The following DNMT1 variants were observed in gnomAD, a reference collection of about 807,000 sequenced individuals.
DNMT1 encodes DNA (cytosine-5)-methyltransferase 1.
In DNMT1, 24 loss-of-function variants were observed where a neutral mutation model predicts 205.3. The observed-to-expected ratio is 0.12, with a 90% CI of 0.08 to 0.16. DNMT1 has a LOEUF of 0.16. DNMT1 is among the 10% of genes least tolerant of loss of function. DNMT1 has a pLI of 1.00. For missense variants in DNMT1, 1,293 were observed against 2,177.7 expected, an observed-to-expected ratio of 0.59 and a Z score of 8.09; for synonymous variants, 817 against 839.8, an observed-to-expected ratio of 0.97 and a Z score of 0.47.
intron 19 of DNMT1, among the ~76,000 whole-genome samples, chr19:10,155,262 G>A (rs2038432649): frequency 6.6e-6 from 1 of 152,162 alleles, no homozygotes; most frequent in African/African-American, 2.4e-5. Context: ...AAGACTAGCT[G>A]AGTAGGCCTT....
In DNMT1 at chr19:10,159,562, G is replaced by A; in HGVS notation, c.1280+96C>T. 1 of 1,229,586 alleles carries A rather than the reference G, an allele frequency of 8.1e-7. No individual in the cohort carries two copies. Among genetic ancestry groups the A allele is most frequent in the South Asian group, 1.2e-5 (1 of 80,304 alleles). The allele number at this position is 1,229,586 out of a possible 1,614,324, so 76.2% of individuals were successfully genotyped here. On this transcript the variant is annotated intron_variant, in intron 17 of 40. Coordinates refer to ENST00000359526, the MANE Select transcript of DNMT1 (RefSeq NM_001130823.3). The surrounding 1 kb of genome is among the most constrained non-coding windows in gnomAD (Gnocchi z 5.0). ...TTAGCTTAAGACATGTTGCAGGTCAGGCACTAAAAAACATCACCAGAATCG... is the reference window on the plus strand; with the variant it reads ...TTAGCTTAAGACATGTTGCAGGTCAAGCACTAAAAAACATCACCAGAATCG...
intron 1 of DNMT1, among the ~76,000 whole-genome samples, chr19:10,182,417 GTATATATATGTGTGTATA>G: frequency 1.9e-5 from 1 of 52,952 alleles, no homozygotes; most frequent in South Asian, 6.8e-4. Flanking sequence ...ATATATATGT[GTATATATATGTGTGTATA>G]TATATACATA....
rs1239217083 is a variant in DNMT1, at chr19:10,156,863, C to A, written c.1281-354G>T. On this transcript the variant is annotated intron_variant, in intron 17 of 40. Coordinates refer to ENST00000359526, the MANE Select transcript of DNMT1 (RefSeq NM_001130823.3). This position sits in a 1 kb window ranked among gnomAD's most constrained non-coding sequence, Gnocchi z 4.2. ...AAACTCTTTATCTCCAGTGATCTACCCACCTCAGCCTCCCAAAGTGCTGGG... is the reference window on the plus strand; with the variant it reads ...AAACTCTTTATCTCCAGTGATCTACACACCTCAGCCTCCCAAAGTGCTGGG... Among the ~76,000 whole-genome samples the A allele has an allele frequency of 6.6e-6, 1 of 152,058 alleles. No homozygotes were observed. Among genetic ancestry groups the A allele is most frequent in the Non-Finnish European group, 1.5e-5 (1 of 68,002 alleles).
At chr19:10,158,993 T>G (rs930233646) in intron 17 of DNMT1, among the ~76,000 whole-genome samples, 1 of 152,194 alleles carries the variant, frequency 6.6e-6, no homozygotes, top group African/African-American at 2.4e-5. Context: ...AAATCTGTCG[T>G]GGCTGTCACT....
chr19:10,194,887 T>C lies in DNMT1; in HGVS notation c.13A>G (p.Thr5Ala). 2 of 1,608,868 alleles carry C rather than the reference T, an allele frequency of 1.2e-6. No homozygotes were observed. Among genetic ancestry groups the C allele is most frequent in the South Asian group, 2.2e-5 (2 of 90,576 alleles). MPAR[T>A]APARVPTLAV... ...AGTGTGGGCACCCGGGCTGGGGCGG[T>C]ACGCGCCGGCATCTCGGAGGCTTCA... Residue 5 changes from threonine (T) to alanine (A), a missense_variant, in exon 1 of 41, where the codon ACC (threonine) becomes GCC (alanine). Physicochemically the swap from Thr to Ala is moderately conservative, Grantham distance 58 (BLOSUM62 0). Coordinates refer to ENST00000359526, the MANE Select transcript of DNMT1 (RefSeq NM_001130823.3).
chr19:10,140,743 T>C lies in DNMT1; in HGVS notation c.3523+38A>G, dbSNP rs1454478631. 3.7e-6 allele frequency: 6 copies of C among 1,613,768 alleles called. No individual in the cohort carries two copies. The highest frequency in any genetic ancestry group is 5.1e-6 in the Non-Finnish European group (6 of 1,179,888). On this transcript the variant is annotated intron_variant, in intron 32 of 40. Coordinates refer to ENST00000359526, the MANE Select transcript of DNMT1 (RefSeq NM_001130823.3). This position sits in a 1 kb window ranked among gnomAD's most constrained non-coding sequence, Gnocchi z 8.4. ...CAGGTAGCACCTGCCCGGTCTGGGC[T>C]CACCAGGTATTCAGAGATGGAGCCT... is the stretch of plus-strand genomic sequence containing the variant.
intron 1 of DNMT1, among the ~76,000 whole-genome samples, chr19:10,193,860 C>T (rs1353414192): frequency 6.6e-6 from 1 of 152,104 alleles, no homozygotes; most frequent in Admixed American, 6.6e-5. Context: ...CTCTGACTCA[C>T]GCACACCTCA....
Position 10,156,341 on chromosome 19 carries a change from C to G in DNMT1, c.1399+50G>C, listed in dbSNP as rs2038456977. On this transcript the variant is annotated intron_variant, in intron 18 of 40. Coordinates refer to ENST00000359526, the MANE Select transcript of DNMT1 (RefSeq NM_001130823.3). This position sits in a 1 kb window ranked among gnomAD's most constrained non-coding sequence, Gnocchi z 4.2. ...GGATTACAGATGTGAGCCACCCTGC[C>G]TGGCTGTTTTTAAAGTGTGCCCCAA... The G allele has an allele frequency of 6.9e-7, 1 of 1,453,298 alleles. No individual in the cohort carries two copies. Among genetic ancestry groups the G allele is most frequent in the Admixed American group, 1.7e-5 (1 of 59,532 alleles). The allele number at this position is 1,453,298 out of a possible 1,614,324, so 90.0% of individuals were successfully genotyped here. A position where few individuals can be genotyped will look rare whatever the true frequency, so the allele number is the denominator to read the frequency against.
At position 10,156,831 on chromosome 19, in the gene DNMT1, T is replaced by G. The variant is rs549893953; in HGVS notation, c.1281-322A>C. The stretch of plus-strand genomic sequence containing the variant: ...CGGGGTTTCACTATGTGTAGCAGGC[T>G]GGTCTCAAACTCTTTATCTCCAGTG... On this transcript the variant is annotated intron_variant, in intron 17 of 40. Coordinates refer to ENST00000359526, the MANE Select transcript of DNMT1 (RefSeq NM_001130823.3). The surrounding 1 kb of genome is among the most constrained non-coding windows in gnomAD (Gnocchi z 4.2). Among the ~76,000 whole-genome samples the G allele has an allele frequency of 5.3e-5, 8 of 152,222 alleles. No individual in the cohort carries two copies. Among genetic ancestry groups the G allele is most frequent in the Admixed American group, 2.6e-4 (4 of 15,272 alleles).
At chr19:10,150,723 G>A (rs529782583) in intron 24 of DNMT1, among the ~76,000 whole-genome samples, 47 of 152,330 alleles carry the variant, frequency 3.1e-4, no homozygotes, top group African/African-American at 1.1e-3. Context: ...ACCACAGAAC[G>A]GATGGGAGGC....
chr19:10,194,905 A>G lies in DNMT1; in HGVS notation c.-6T>C, dbSNP rs547079738. The G allele has an allele frequency of 1.9e-6, 3 of 1,603,364 alleles. No individual in the cohort carries two copies. Among genetic ancestry groups the G allele is most frequent in the African/African-American group, 1.3e-5 (1 of 74,490 alleles). On this transcript the variant is annotated 5_prime_UTR_variant, in exon 1 of 41. Transcript: ENST00000359526. ...GGGGCGGTACGCGCCGGCATCTCGG[A>G]GGCTTCAGCAGACGCGGCGGCGGCA...
chr19:10,175,770 G>T, intron 6 of DNMT1, 152 bp from the exon 7 acceptor site: 1 of 798,338 alleles, frequency 1.3e-6, no homozygotes, highest in South Asian at 1.4e-5. Context: ...TTGCCATCTT[G>T]TAAGTCCTAA....
At chr19:10,182,497 A>G (rs897393978) in intron 1 of DNMT1, among the ~76,000 whole-genome samples, 4 of 32,082 alleles carry the variant, frequency 1.2e-4, no homozygotes, top group Non-Finnish European at 2.5e-4. Context: ...GTGTATATAT[A>G]TGTGTGTATA....
chr19:10,165,867 C>G (rs768058205), intron 11 of DNMT1, among the ~76,000 whole-genome samples: 20 of 152,242 alleles, frequency 1.3e-4, no homozygotes, highest in Non-Finnish European at 2.2e-4. Flanking sequence ...GAGGCAATAC[C>G]AAAGGCTCCC....
intron 22 of DNMT1, among the ~76,000 whole-genome samples, chr19:10,153,114 G>T (rs945881303): frequency 6.6e-6 from 1 of 152,118 alleles, no homozygotes; most frequent in African/African-American, 2.4e-5. Context: ...CAATCTTCTA[G>T]ATCAAAGTTA....
intron 9 of DNMT1, among the ~76,000 whole-genome samples, chr19:10,171,203 G>A (rs2038808587): frequency 6.7e-6 from 1 of 148,432 alleles, no homozygotes; most frequent in African/African-American, 2.5e-5. Context: ...TTACAAAGAA[G>A]ATGAGGGACT....
chr19:10,148,783 G>T, intron 27 of DNMT1, 101 bp downstream of exon 27: 1 of 1,598,722 alleles, frequency 6.3e-7, no homozygotes, highest in South Asian at 1.1e-5. Context: ...ACACAAACTG[G>T]GGGGCCGTTG....
At chr19:10,191,078 C>T (rs566757387) in intron 1 of DNMT1, among the ~76,000 whole-genome samples, 299 of 151,766 alleles carry the variant, frequency 2.0e-3, no homozygotes, top group African/African-American at 6.9e-3. Flanking sequence ...ACGGCCACTG[C>T]ACTCCAGCCT....
At position 10,146,300 on chromosome 19, in the gene DNMT1, C is replaced by A; in HGVS notation, c.2894+51G>T. Reference sequence around the variant, plus strand: ...AGGAGGGGGACACCACAAAGCCAGCCTGGCTCAGCCTGGAGCGCCCTGGCC... The same window carrying A: ...AGGAGGGGGACACCACAAAGCCAGCATGGCTCAGCCTGGAGCGCCCTGGCC... On this transcript the variant is annotated intron_variant, in intron 28 of 40. Transcript: ENST00000359526. This position sits in a 1 kb window ranked among gnomAD's most constrained non-coding sequence, Gnocchi z 4.4. 6.2e-7 allele frequency: 1 copy of A among 1,605,552 alleles called. No homozygotes were observed. The highest frequency in any genetic ancestry group is 8.5e-7 in the Non-Finnish European group (1 of 1,176,172).
Sources: allele counts gnomAD v4.1 joint callset (sites outside exome capture counted in the v4.1 genomes callset), GRCh38; gene constraint gnomAD v4.1.1; non-coding constraint Gnocchi (gnomAD v3.1); transcripts MANE v1.5; gene names NCBI Gene and HGNC (gene_info 2026-07-23, HGNC 2026-07-21).